Variants in VAV3 observed in about 807,000 individuals in gnomAD.
The protein encoded by VAV3 is vav guanine nucleotide exchange factor 3, also known as guanine nucleotide exchange factor VAV3.
A neutral mutation model predicts 131.2 loss-of-function variants in VAV3; 94 were observed. The observed-to-expected ratio is 0.72, with a 90% CI of 0.61 to 0.85. The LOEUF is 0.85. VAV3 is among the 40% of genes least tolerant of loss of function. VAV3 has a pLI of 0.00. For missense variants in VAV3, 939 were observed against 1,002.7 expected, an observed-to-expected ratio of 0.94 and a Z score of 0.86; for synonymous variants, 349 against 342.0, an observed-to-expected ratio of 1.02 and a Z score of -0.22.
intron 19 of VAV3, among the ~76,000 whole-genome samples, chr1:107,661,477 T>C (rs1657010309): frequency 6.6e-6 from 1 of 152,194 alleles, no homozygotes; most frequent in South Asian, 2.1e-4. Flanking sequence ...TGTTTCTGAA[T>C]TTTTATTATA....
chr1:107,882,110 G>A (rs190161106), intron 1 of VAV3, among the ~76,000 whole-genome samples: 13 of 152,236 alleles, frequency 8.5e-5, no homozygotes, highest in Admixed American at 7.2e-4. Flanking sequence ...TGAGGCAATG[G>A]AAGAGGAAAA....
chr1:107,935,980 G>A (rs1673692980), intron 1 of VAV3, among the ~76,000 whole-genome samples: 1 of 152,174 alleles, frequency 6.6e-6, no homozygotes, highest in African/African-American at 2.4e-5. Flanking sequence ...GCTTTTCAGT[G>A]TGTGAGAGAT....
At chr1:107,741,783 C>T (rs1341033956) in intron 15 of VAV3, among the ~76,000 whole-genome samples, 1 of 152,176 alleles carries the variant, frequency 6.6e-6, no homozygotes, top group Non-Finnish European at 1.5e-5. Context: ...TCTACATCTC[C>T]AAGGAGCAAG....
At chr1:107,822,111 C>A (rs1667817428) in intron 2 of VAV3, among the ~76,000 whole-genome samples, 1 of 152,094 alleles carries the variant, frequency 6.6e-6, no homozygotes, top group Non-Finnish European at 1.5e-5. Flanking sequence ...TGGGAGAGAG[C>A]AGCAGGCATA....
At chr1:107,880,838 G>A (rs1670737819) in intron 1 of VAV3, among the ~76,000 whole-genome samples, 1 of 152,046 alleles carries the variant, frequency 6.6e-6, no homozygotes, top group Admixed American at 6.6e-5. Context: ...AAGGAAAGCG[G>A]AATACTCAGC....
intron 19 of VAV3, among the ~76,000 whole-genome samples, chr1:107,661,829 C>A (rs1460580357): frequency 2.6e-5 from 4 of 152,160 alleles, no homozygotes; most frequent in Non-Finnish European, 4.4e-5. Context: ...GTCCTTAGAA[C>A]AACATCATTA....
intron 1 of VAV3, among the ~76,000 whole-genome samples, chr1:107,932,426 T>C (rs1673485105): frequency 6.6e-6 from 1 of 151,906 alleles, no homozygotes; most frequent in Non-Finnish European, 1.5e-5. Flanking sequence ...CAGAAACATG[T>C]GAGACTTCAG....
chr1:107,721,524 T>C (rs1400549322), intron 15 of VAV3, among the ~76,000 whole-genome samples: 1 of 151,804 alleles, frequency 6.6e-6, no homozygotes, highest in African/African-American at 2.4e-5. Flanking sequence ...CAGAAGAAAA[T>C]GGGTGCTTGT....
Position 107,779,432 on chromosome 1 carries a change from AC to A in VAV3, c.380+1del. On this transcript the variant is annotated splice_donor_variant, in intron 3 of 26. Transcript: ENST00000370056. LOFTEE classifies it high-confidence loss of function. ...CACATGAACAACGAAAACAGAGCTTACCTGATTCCTGTGGCCAATGCTATAG... is the reference window on the plus strand; with the variant it reads ...CACATGAACAACGAAAACAGAGCTTACTGATTCCTGTGGCCAATGCTATAG... 6.3e-7 allele frequency: 1 copy of A among 1,587,600 alleles called. No homozygotes were observed. Among genetic ancestry groups the A allele is most frequent in the African/African-American group, 1.4e-5 (1 of 73,906 alleles).
At chr1:107,958,019 G>A (rs7544186) in intron 1 of VAV3, among the ~76,000 whole-genome samples, 4,775 of 152,126 alleles carry the variant, frequency 0.031, 246 homozygotes, top group African/African-American at 0.11. Flanking sequence ...CACCAATCAC[G>A]CAGACAGAAC....
intron 25 of VAV3, among the ~76,000 whole-genome samples, chr1:107,589,639 C>T (rs1650784871): frequency 1.3e-5 from 2 of 152,098 alleles, no homozygotes; most frequent in Admixed American, 6.5e-5. Flanking sequence ...GAGATTAAAA[C>T]AAATATTTAA....
At chr1:107,743,405 C>T (rs753722757) in intron 15 of VAV3, among the ~76,000 whole-genome samples, 2 of 151,994 alleles carry the variant, frequency 1.3e-5, no homozygotes, top group African/African-American at 4.8e-5. Flanking sequence ...CTGTATCAAG[C>T]GTAATTCTTG....
intron 20 of VAV3, among the ~76,000 whole-genome samples, chr1:107,625,599 A>T (rs1399836573): frequency 6.6e-6 from 1 of 152,200 alleles, no homozygotes; most frequent in African/African-American, 2.4e-5. Context: ...TATTTACAGA[A>T]GACAAGGACA....
At chr1:107,598,978 A>T (rs928827616) in intron 24 of VAV3, among the ~76,000 whole-genome samples, 4 of 152,344 alleles carry the variant, frequency 2.6e-5, no homozygotes, top group African/African-American at 9.6e-5. Flanking sequence ...ATTTTGTTAT[A>T]GGTAATATGA....
intron 1 of VAV3, among the ~76,000 whole-genome samples, chr1:107,941,963 C>T (rs1674014690): frequency 6.6e-6 from 1 of 152,164 alleles, no homozygotes; most frequent in Admixed American, 6.5e-5. Flanking sequence ...CATCAGGCCA[C>T]ATCCAGCCAG....
chr1:107,638,869 C>A (rs946046379), intron 20 of VAV3, among the ~76,000 whole-genome samples: 2 of 151,862 alleles, frequency 1.3e-5, no homozygotes, highest in African/African-American at 4.8e-5. Flanking sequence ...CAGAAACAGA[C>A]CTACATATAC....
intron 1 of VAV3, among the ~76,000 whole-genome samples, chr1:107,902,113 A>T (rs1671890707): frequency 6.6e-6 from 1 of 152,124 alleles, no homozygotes; most frequent in Non-Finnish European, 1.5e-5. Flanking sequence ...AAAAATAAAA[A>T]AAAATTCAGA....
intron 1 of VAV3, among the ~76,000 whole-genome samples, chr1:107,937,004 G>A (rs899587214): frequency 2.0e-5 from 3 of 152,074 alleles, no homozygotes; most frequent in African/African-American, 7.2e-5. Flanking sequence ...GAGGGCCAAT[G>A]TGACTACTGA....
Position 107,751,179 on chromosome 1 carries a change from T to C in VAV3, c.1197A>G (p.Gly399=), listed in dbSNP as rs1440315918. The change falls in exon 13 of 27, where the codon GGA becomes GGG. Residue 399 remains glycine (G), a synonymous_variant. Coordinates refer to ENST00000370056, the MANE Select transcript of VAV3 (RefSeq NM_006113.5). ...GAATTTCACCATCTCCCTGAGGTCG[T>C]CCAAAAAGCAAAACTGGTTGGTTCT... The part of the protein sequence containing the change: ...ENLNQPVLLF[G]RPQGDGEIRI... 2 of 1,612,594 alleles carry C rather than the reference T, an allele frequency of 1.2e-6. No homozygotes were observed. The highest frequency in any genetic ancestry group is 2.2e-5 in the East Asian group (1 of 44,790).
Sources: allele counts gnomAD v4.1 joint callset (sites outside exome capture counted in the v4.1 genomes callset), GRCh38; gene constraint gnomAD v4.1.1; transcripts MANE v1.5; gene names NCBI Gene and HGNC (gene_info 2026-07-23, HGNC 2026-07-21).